The following PTPRM variants were observed in gnomAD, a reference collection of about 807,000 sequenced individuals.
The protein encoded by PTPRM is receptor-type tyrosine-protein phosphatase mu.
A neutral mutation model predicts 186.7 loss-of-function variants in PTPRM; 47 were observed. The ratio of observed to expected loss-of-function variants is 0.25; its 90% CI spans 0.20 to 0.32. The LOEUF (loss-of-function observed/expected upper bound fraction) is 0.32, where lower values mean the gene tolerates loss of function less well. PTPRM is among the 10% of genes least tolerant of loss of function. The pLI is 1.00. For synonymous variants in PTPRM, 668 were observed against 674.9 expected (o/e 0.99, Z 0.16); for missense variants, 1,494 against 1,865.0 (o/e 0.80, Z 3.66).
intron 7 of PTPRM, among the ~76,000 whole-genome samples, chr18:7,997,943 T>C (rs967444010): frequency 2.6e-5 from 4 of 152,186 alleles, no homozygotes; most frequent in African/African-American, 7.2e-5. Flanking sequence ...TGTAAATTAG[T>C]GTAGCCATTA....
intron 22 of PTPRM, among the ~76,000 whole-genome samples, chr18:8,340,551 G>A (rs2095468489): frequency 6.6e-6 from 1 of 152,168 alleles, no homozygotes; most frequent in Admixed American, 6.5e-5. Flanking sequence ...CTTAACTGAT[G>A]CCCAGCCGCA....
intron 14 of PTPRM, among the ~76,000 whole-genome samples, chr18:8,217,337 G>A (rs2094101395): frequency 6.6e-6 from 1 of 152,180 alleles, no homozygotes; most frequent in African/African-American, 2.4e-5. Context: ...AGGAACCCGA[G>A]CCCCTGGGGT....
chr18:8,330,367 A>G (rs2148152873), intron 22 of PTPRM, among the ~76,000 whole-genome samples: 1 of 152,306 alleles, frequency 6.6e-6, no homozygotes, highest in East Asian at 1.9e-4. Context: ...CTTCACTGCC[A>G]TGGAAAATTT....
intron 1 of PTPRM, among the ~76,000 whole-genome samples, chr18:7,605,973 G>A (rs1277187067): frequency 6.6e-6 from 1 of 152,162 alleles, no homozygotes; most frequent in East Asian, 1.9e-4. Flanking sequence ...GGATGAGCAG[G>A]ATGTAGGAAG....
chr18:8,087,830 C>A (rs1255263918), intron 10 of PTPRM, among the ~76,000 whole-genome samples: 1 of 152,134 alleles, frequency 6.6e-6, no homozygotes, highest in Non-Finnish European at 1.5e-5. Flanking sequence ...CGACCTCTAG[C>A]TTTCTCATCA....
At chr18:7,919,926 T>C (rs555038118) in intron 4 of PTPRM, among the ~76,000 whole-genome samples, 36 of 152,134 alleles carry the variant, frequency 2.4e-4, no homozygotes, top group Non-Finnish European at 4.9e-4. Context: ...CCAATCCCTT[T>C]ATCATTATAT....
chr18:8,237,165 C>A (rs769655216), intron 14 of PTPRM, among the ~76,000 whole-genome samples: 22 of 152,082 alleles, frequency 1.4e-4, no homozygotes, highest in Non-Finnish European at 3.1e-4. Flanking sequence ...CCTCTCCTGT[C>A]CCTTATCTTA....
At chr18:8,293,028 CTCAGCTGTAAGGGACAGCTCATGTCCT>C (rs2095058175) in intron 19 of PTPRM, among the ~76,000 whole-genome samples, 1 of 152,106 alleles carries the variant, frequency 6.6e-6, no homozygotes, top group Non-Finnish European at 1.5e-5. Flanking sequence ...TCTCATGTCC[CTCAGCTGTAAGGGACAGCTCATGTCCT>C]CTCCTCCAGT....
intron 4 of PTPRM, among the ~76,000 whole-genome samples, chr18:7,918,976 G>A (rs181499057): frequency 3.3e-5 from 5 of 152,186 alleles, no homozygotes; most frequent in Admixed American, 6.5e-5. Flanking sequence ...TGTAGATGTC[G>A]AAACAGAGGA....
At chr18:8,081,802 ATTTG>A (rs1030171031) in intron 9 of PTPRM, among the ~76,000 whole-genome samples, 7 of 152,236 alleles carry the variant, frequency 4.6e-5, no homozygotes, top group African/African-American at 1.7e-4. Flanking sequence ...TGCCCAACAT[ATTTG>A]TTTGTTAGGC....
chr18:8,325,992 C>T (rs1315685927), intron 22 of PTPRM, among the ~76,000 whole-genome samples: 1 of 152,034 alleles, frequency 6.6e-6, no homozygotes, highest in African/African-American at 2.4e-5. Flanking sequence ...TGTATCTGTT[C>T]CTGTTTTTTG....
At position 7,789,533 on chromosome 18, in the gene PTPRM, A is replaced by G. The variant is rs141961225; in HGVS notation, c.196+15262A>G. 2.5e-3 allele frequency among the ~76,000 whole-genome samples: 373 copies of G among 152,214 alleles called. 2 individuals are homozygous for G. The highest frequency in any genetic ancestry group is 8.0e-3 in the African/African-American group (333 of 41,502). ...TTGCTGAAGATTAATTTCCTCTACT[A>G]ATTGGCTACCCATTATGGTGGTTTT... On this transcript the variant is annotated intron_variant, in intron 2 of 32. Coordinates refer to ENST00000580170, the MANE Select transcript of PTPRM (RefSeq NM_001105244.2).
At chr18:7,575,040 GA>G (rs1273128606) in intron 1 of PTPRM, among the ~76,000 whole-genome samples, 1 of 152,012 alleles carries the variant, frequency 6.6e-6, no homozygotes, top group Non-Finnish European at 1.5e-5. Flanking sequence ...TCAAAAAACA[GA>G]AAAAAATAAT....
chr18:8,018,880 C>T (rs2085038587), intron 7 of PTPRM, among the ~76,000 whole-genome samples: 1 of 152,100 alleles, frequency 6.6e-6, no homozygotes, highest in Admixed American at 6.6e-5. Flanking sequence ...GTGACTAGGG[C>T]CCTGGATTAT....
intron 2 of PTPRM, among the ~76,000 whole-genome samples, chr18:7,860,025 C>G (rs772539247): frequency 1.3e-5 from 2 of 151,908 alleles, no homozygotes; most frequent in Non-Finnish European, 2.9e-5. Flanking sequence ...TTTTCTGATC[C>G]TTTTTGAATT....
intron 2 of PTPRM, among the ~76,000 whole-genome samples, chr18:7,862,761 C>T (rs1469855219): frequency 6.6e-6 from 1 of 152,120 alleles, no homozygotes; most frequent in African/African-American, 2.4e-5. Context: ...ATCATTTTAC[C>T]TTCATTTGAA....
At chr18:8,267,535 CTTA>C (rs983530765) in intron 19 of PTPRM, among the ~76,000 whole-genome samples, 7 of 152,184 alleles carry the variant, frequency 4.6e-5, no homozygotes, top group African/African-American at 1.4e-4. Context: ...AGTTTCATAT[CTTA>C]TTTTTACACT....
At chr18:7,777,447 T>A (rs1218542754) in intron 2 of PTPRM, among the ~76,000 whole-genome samples, 1 of 152,224 alleles carries the variant, frequency 6.6e-6, no homozygotes. Flanking sequence ...GTGTCAGTGG[T>A]TGGTTTCAAG....
chr18:7,855,658 T>G (rs1305329270), intron 2 of PTPRM, among the ~76,000 whole-genome samples: 1 of 152,098 alleles, frequency 6.6e-6, no homozygotes, highest in Non-Finnish European at 1.5e-5. Context: ...GTACAAGGAG[T>G]GTGGATGAGC....
Sources: gnomAD v4.1 joint callset for allele counts (sites outside exome capture counted in the v4.1 genomes callset) on GRCh38, gnomAD v4.1.1 for gene constraint, MANE v1.5 for transcripts, NCBI Gene and HGNC (gene_info 2026-07-23, HGNC 2026-07-21) for gene names.